TYW1B: variants seen among roughly 807,000 people sequenced by gnomAD.
TYW1B encodes tRNA-yW synthesizing protein 1 homolog B, also known as S-adenosyl-L-methionine-dependent tRNA 4-demethylwyosine synthase TYW1B.
In TYW1B, 73 loss-of-function variants were observed where a neutral mutation model predicts 86.9. The ratio of observed to expected loss-of-function variants is 0.84; its 90% CI spans 0.70 to 1.02. The LOEUF (loss-of-function observed/expected upper bound fraction) is 1.02, where lower values mean the gene tolerates loss of function less well. TYW1B is among the 50% of genes least tolerant of loss of function. The probability of loss-of-function intolerance (pLI) is 0.00; values close to 1 mark genes in which losing one functional copy is unlikely to be tolerated. For missense variants in TYW1B, 637 were observed against 827.4 expected (o/e 0.77, Z 2.82); for synonymous variants, 248 against 292.8 (o/e 0.85, Z 1.56).
rs1234845782 is a variant in TYW1B, at chr7:72,822,025, C to T, written c.135+4830G>A. On this transcript the variant is annotated intron_variant, in intron 2 of 13. Transcript: ENST00000620995. ...CTTTCAGTAGCCGAGGCGGGTGAAT[C>T]ACTTGAGGCTAGGAGTTTGAGACCA... Among the ~76,000 whole-genome samples, 5 of 151,548 alleles carry T rather than the reference C, an allele frequency of 3.3e-5. No individual in the cohort carries two copies. The South Asian group carries it at 8.3e-4, about 25-fold the overall frequency.
intron 12 of TYW1B, among the ~76,000 whole-genome samples, chr7:72,625,612 T>C (rs1585857496): frequency 6.7e-6 from 1 of 150,084 alleles, no homozygotes; most frequent in Non-Finnish European, 1.5e-5. Flanking sequence ...CTGTGAGCCA[T>C]GATTGCACCA....
At chr7:72,602,885 C>CACACAA (rs1563025897) in intron 13 of TYW1B, among the ~76,000 whole-genome samples, 1 of 136,210 alleles carries the variant, frequency 7.3e-6, no homozygotes, top group South Asian at 2.4e-4. Context: ...CACACACACA[C>CACACAA]AATGTTGATG....
chr7:72,722,814 T>C (rs1256159035), intron 9 of TYW1B: 2 of 471,522 alleles, frequency 4.2e-6, no homozygotes, highest in Non-Finnish European at 7.5e-6. Context: ...TTCTTTGTCA[T>C]GGGGTGGGAA....
intron 11 of TYW1B, among the ~76,000 whole-genome samples, chr7:72,678,146 G>A (rs1377479473): frequency 1.2e-4 from 19 of 152,030 alleles, no homozygotes; most frequent in African/African-American, 4.1e-4. Flanking sequence ...AGCACTATCC[G>A]GGGCACTGAG....
intron 1 of TYW1B, among the ~76,000 whole-genome samples, 189 bp downstream of exon 1, chr7:72,827,883 C>A (rs1771182927): frequency 6.6e-6 from 1 of 152,204 alleles, no homozygotes; most frequent in Non-Finnish European, 1.5e-5. Flanking sequence ...CCCCTAGCCT[C>A]AAAAGGCAAA....
intron 11 of TYW1B, among the ~76,000 whole-genome samples, chr7:72,680,437 C>A (rs1813846941): frequency 6.6e-6 from 1 of 152,160 alleles, no homozygotes; most frequent in Non-Finnish European, 1.5e-5. Context: ...ACATCAAACT[C>A]CAAGATCTTC....
chr7:72,675,711 C>T (rs111806554), intron 11 of TYW1B, among the ~76,000 whole-genome samples: 7 of 151,412 alleles, frequency 4.6e-5, no homozygotes, highest in African/African-American at 1.7e-4. Context: ...TCAGCTAACA[C>T]TTTAAATGTC....
chr7:72,621,176 T>C (rs1452100775), intron 12 of TYW1B, among the ~76,000 whole-genome samples: 12 of 152,164 alleles, frequency 7.9e-5, no homozygotes, highest in Admixed American at 7.9e-4. Context: ...CTGTCTCTCT[T>C]TCTCTGTCTT....
At chr7:72,770,442 A>G (rs561823867) in intron 7 of TYW1B, among the ~76,000 whole-genome samples, 5 of 150,872 alleles carry the variant, frequency 3.3e-5, no homozygotes, top group African/African-American at 7.3e-5. Flanking sequence ...AAAAAAAAAA[A>G]AAAAGAAAAA....
At chr7:72,656,301 G>GA (rs1455347978) in intron 11 of TYW1B, among the ~76,000 whole-genome samples, 1 of 151,968 alleles carries the variant, frequency 6.6e-6, no homozygotes, top group Non-Finnish European at 1.5e-5. Context: ...ACATCTACAG[G>GA]AAAAAGTCTT....
chr7:72,785,371 A>G (rs1180129362), intron 6 of TYW1B, among the ~76,000 whole-genome samples: 1 of 147,548 alleles, frequency 6.8e-6, no homozygotes, highest in Non-Finnish European at 1.5e-5. Flanking sequence ...ATTATATTAA[A>G]TTAAAGTTAT....
chr7:72,615,957 T>A (rs1371878965), intron 13 of TYW1B, among the ~76,000 whole-genome samples: 4 of 151,496 alleles, frequency 2.6e-5, no homozygotes, highest in African/African-American at 9.7e-5. Flanking sequence ...GCAAGAGATA[T>A]AAAAAAATAA....
intron 13 of TYW1B, among the ~76,000 whole-genome samples, chr7:72,607,297 G>A (rs1811822445): frequency 6.7e-6 from 1 of 150,342 alleles, no homozygotes; most frequent in Admixed American, 6.7e-5. Context: ...GGAGGCTGAG[G>A]CAGGAGAATC....
rs782497924 is a variant in TYW1B, at chr7:72,802,414, C to T, written c.832G>A (p.Val278Met). 1.7e-5 allele frequency: 27 copies of T among 1,613,716 alleles called. No individual in the cohort carries two copies. Among genetic ancestry groups the T allele is most frequent in the Admixed American group, 1.5e-4 (9 of 59,978 alleles). Residue 278 changes from valine to methionine, a missense_variant, in exon 6 of 14, where the codon GTG becomes ATG. Physicochemically the swap from Val to Met is conservative, Grantham distance 21 (BLOSUM62 1). Transcript: ENST00000620995. Reference sequence around the variant, plus strand: ...AGTAATGGTACCTTTTCTTTCTTCACGTGATCCATAATTTTGCCCAAATCT... The same window carrying T: ...AGTAATGGTACCTTTTCTTTCTTCATGTGATCCATAATTTTGCCCAAATCT... ...VEDLGKIMDH[V>M]KKEKREKEQQ... is the part of the protein sequence containing the mutation.
At chr7:72,638,746 T>C (rs1346893131) in intron 11 of TYW1B, among the ~76,000 whole-genome samples, 3 of 152,220 alleles carry the variant, frequency 2.0e-5, no homozygotes, top group Non-Finnish European at 2.9e-5. Flanking sequence ...AGCATGATTA[T>C]CTATGTAGAA....
At chr7:72,702,925 T>C (rs1814507499) in intron 10 of TYW1B, among the ~76,000 whole-genome samples, 1 of 151,276 alleles carries the variant, frequency 6.6e-6, no homozygotes, top group Non-Finnish European at 1.5e-5. Context: ...CTGCTATTTC[T>C]GCTGACATCC....
chr7:72,776,209 T>C (rs1787951022), intron 7 of TYW1B, among the ~76,000 whole-genome samples: 1 of 151,942 alleles, frequency 6.6e-6, no homozygotes, highest in Admixed American at 6.6e-5. Context: ...AAGAAAGAAA[T>C]AATGGAAGTA....
intron 11 of TYW1B, among the ~76,000 whole-genome samples, chr7:72,632,397 TATAATATATATATACATATATATATAAAA>T: frequency 9.7e-6 from 1 of 103,104 alleles, no homozygotes. Flanking sequence ...CGTATATATA[TATAATATATATATACATATATATATAAAA>T]TATATATATA....
At chr7:72,598,052 A>G (rs1811577180) in intron 13 of TYW1B, among the ~76,000 whole-genome samples, 1 of 152,228 alleles carries the variant, frequency 6.6e-6, no homozygotes, top group Admixed American at 6.5e-5. Context: ...TGAAGGACAC[A>G]AAGTATTAAT....
Sources: allele counts gnomAD v4.1 joint callset (sites outside exome capture counted in the v4.1 genomes callset), GRCh38; gene constraint gnomAD v4.1.1; transcripts MANE v1.5; gene names NCBI Gene and HGNC (gene_info 2026-07-23, HGNC 2026-07-21).